MOXD1: variants seen among roughly 807,000 people sequenced by gnomAD.
The protein encoded by MOXD1 is monooxygenase DBH like 1, also known as DBH-like monooxygenase protein 1.
In MOXD1, 62 loss-of-function variants were observed where a neutral mutation model predicts 66.6. The observed-to-expected ratio is 0.93, with a 90% CI of 0.76 to 1.15. The LOEUF (loss-of-function observed/expected upper bound fraction) is 1.15. Among genes scored for constraint, MOXD1 ranks in the 50% most tolerant of loss-of-function variants. The pLI is 0.00. For missense variants in MOXD1, 847 were observed against 754.6 expected, an observed-to-expected ratio of 1.12 and a Z score of -1.44; for synonymous variants, 303 against 281.9, an observed-to-expected ratio of 1.07 and a Z score of -0.75.
chr6:132,303,016 A>G (rs1446019411), intron 10 of MOXD1, among the ~76,000 whole-genome samples: 1 of 152,158 alleles, frequency 6.6e-6, no homozygotes, highest in Non-Finnish European at 1.5e-5. Context: ...CGTTGGATTT[A>G]CCTTACACTA....
intron 1 of MOXD1, among the ~76,000 whole-genome samples, chr6:132,393,888 C>A (rs774636204): frequency 5.9e-5 from 9 of 152,234 alleles, no homozygotes; most frequent in Non-Finnish European, 1.0e-4. Context: ...ATCTGCAGGA[C>A]TGAGGACCAG....
intron 4 of MOXD1, among the ~76,000 whole-genome samples, chr6:132,365,840 T>A (rs1485729980): frequency 6.6e-6 from 1 of 152,138 alleles, no homozygotes; most frequent in Admixed American, 6.6e-5. Flanking sequence ...AGGGGAAGTG[T>A]TCCTACCAAC....
chr6:132,375,935 G>C lies in MOXD1; in HGVS notation c.265-1158C>G, dbSNP rs1475544169. ...GAAAAATAAACAAATGAGATGGTTT[G>C]GGCGGGGTCATAACTGCCTACATGG... On this transcript the variant is annotated intron_variant, in intron 1 of 11. Coordinates refer to ENST00000367963, the MANE Select transcript of MOXD1 (RefSeq NM_015529.4). Among the ~76,000 whole-genome samples, 3 of 152,190 alleles carry C rather than the reference G, an allele frequency of 2.0e-5. No homozygotes were observed. In the East Asian group the frequency reaches 5.8e-4, roughly 29 times the overall value.
At chr6:132,323,097 A>G (rs1182661988) in intron 7 of MOXD1, among the ~76,000 whole-genome samples, 1 of 152,226 alleles carries the variant, frequency 6.6e-6, no homozygotes, top group Non-Finnish European at 1.5e-5. Flanking sequence ...GGCCTCCCAG[A>G]CCATTTCTAC....
chr6:132,379,384 AC>A (rs1333461914), intron 1 of MOXD1, among the ~76,000 whole-genome samples: 2 of 152,162 alleles, frequency 1.3e-5, no homozygotes, highest in Non-Finnish European at 2.9e-5. Context: ...CCTATAAAAA[AC>A]CTACAGCTAA....
chr6:132,328,348 G>A (rs563471641), intron 5 of MOXD1, 67 bp downstream of exon 5: 202 of 1,564,712 alleles, frequency 1.3e-4, no homozygotes, highest in Admixed American at 3.0e-4. Context: ...GTATTAATTA[G>A]AATCATATTT....
At chr6:132,322,350 T>C (rs1775093580) in intron 8 of MOXD1, among the ~76,000 whole-genome samples, 1 of 152,196 alleles carries the variant, frequency 6.6e-6, no homozygotes, top group Non-Finnish European at 1.5e-5. Context: ...ACTGCAGGAA[T>C]TGCAACCCAA....
In MOXD1 at chr6:132,372,638, A is replaced by C. The variant is rs2114661747; in HGVS notation, c.633T>G (p.Pro211=). The change falls in exon 4 of 12, where the codon CCT becomes CCG. Residue 211 remains proline (P), a synonymous_variant. Transcript: ENST00000367963. Reference sequence around the variant, plus strand: ...TTACATGATGCTTTTCTTGGAACACAGGAATCTTAAACATTTGGCACCAAT... The same window carrying C: ...TTACATGATGCTTTTCTTGGAACACCGGAATCTTAAACATTTGGCACCAAT... ...TTYWCQMFKI[P]VFQEKHHVIK... is the part of the protein sequence containing the mutation. The C allele has an allele frequency of 6.2e-7, 1 of 1,613,952 alleles. No homozygotes were observed. The highest frequency in any genetic ancestry group is 1.3e-5 in the African/African-American group (1 of 75,060).
At chr6:132,399,935 A>G (rs1776983815) in intron 1 of MOXD1, among the ~76,000 whole-genome samples, 1 of 152,342 alleles carries the variant, frequency 6.6e-6, no homozygotes, top group Admixed American at 6.5e-5. Flanking sequence ...TTTATACATC[A>G]GTGACTTCAG....
chr6:132,297,278 G>A lies in MOXD1; in HGVS notation c.1717C>T (p.Pro573Ser). The change falls in exon 12 of 12, where the codon CCC (proline) becomes TCC (serine). Residue 573 changes from proline (P) to serine (S), a missense_variant. Physicochemically the swap from Pro to Ser is moderately conservative, Grantham distance 74. Transcript: ENST00000367963. The part of the protein sequence containing the change: ...MTALPPDIER[P>S]YKAEPLVCGT... Reference sequence around the variant, plus strand: ...CACACCAAAGGTTCTGCTTTATAGGGTCTTTCTATATCTGGAGGTAATGCT... The same window carrying A: ...CACACCAAAGGTTCTGCTTTATAGGATCTTTCTATATCTGGAGGTAATGCT... The A allele has an allele frequency of 1.2e-6, 2 of 1,613,430 alleles. No homozygotes were observed. The highest frequency in any genetic ancestry group is 1.7e-6 in the Non-Finnish European group (2 of 1,179,560).
At chr6:132,320,711 T>C in intron 8 of MOXD1, 23 bp from the exon 9 acceptor site, 1 of 1,596,590 alleles carries the variant, frequency 6.3e-7, no homozygotes, top group Non-Finnish European at 8.5e-7. Context: ...AGCAAAAGCT[T>C]TCAGATTGAA....
chr6:132,322,851 G>A lies in MOXD1; in HGVS notation c.1133C>T (p.Pro378Leu). 6.2e-7 allele frequency: 1 copy of A among 1,613,144 alleles called. No individual in the cohort carries two copies. The highest frequency in any genetic ancestry group is 8.5e-7 in the Non-Finnish European group (1 of 1,179,606). The change falls in exon 8 of 12, where the codon CCA (proline) becomes CTA (leucine). Residue 378 changes from proline (P) to leucine (L), a missense_variant. By Grantham distance (98) the Pro-to-Leu change is moderately conservative (BLOSUM62 -3). Transcript: ENST00000367963. ...AACAGCAAACACATGAATTCCACTTGGCTTTTCGGCTTCCAGAGCCTACAG... is the reference window on the plus strand; with the variant it reads ...AACAGCAAACACATGAATTCCACTTAGCTTTTCGGCTTCCAGAGCCTACAG... ...CLEEALEAEKPSGIHVFAVLL... is the reference protein window; with the variant it reads ...CLEEALEAEKLSGIHVFAVLL...
At chr6:132,303,845 A>G (rs1358862482) in intron 10 of MOXD1, among the ~76,000 whole-genome samples, 2,361 of 50,176 alleles carry the variant, frequency 0.047, 39 homozygotes, top group East Asian at 0.19. Context: ...GTATATATAT[A>G]TATATATATA....
chr6:132,324,105 A>G lies in MOXD1; in HGVS notation c.947-8T>C. ...CAGAATTATCTATTAAGCCTAGAAC[A>G]AAAGCACATAATTAAAGTGATTTTT... On this transcript the variant is annotated splice_region_variant and splice_polypyrimidine_tract_variant and intron_variant, in intron 6 of 11. Coordinates refer to ENST00000367963, the MANE Select transcript of MOXD1 (RefSeq NM_015529.4). 1.2e-6 allele frequency: 2 copies of G among 1,606,706 alleles called. No homozygotes were observed. Among genetic ancestry groups the G allele is most frequent in the African/African-American group, 1.3e-5 (1 of 74,738 alleles).
chr6:132,382,650 T>C (rs545659647), intron 1 of MOXD1, among the ~76,000 whole-genome samples: 20 of 152,192 alleles, frequency 1.3e-4, no homozygotes, highest in Non-Finnish European at 2.1e-4. Flanking sequence ...AAACATGTTG[T>C]CACAAGATAT....
intron 10 of MOXD1, among the ~76,000 whole-genome samples, chr6:132,299,058 G>A (rs1774472498): frequency 6.6e-6 from 1 of 152,136 alleles, no homozygotes; most frequent in South Asian, 2.1e-4. Flanking sequence ...TAAAGAAAAT[G>A]TGGTACATAT....
chr6:132,338,328 C>T (rs1006682172), intron 4 of MOXD1, among the ~76,000 whole-genome samples: 5 of 152,330 alleles, frequency 3.3e-5, no homozygotes, highest in African/African-American at 1.2e-4. Context: ...CTTTTCAGTG[C>T]ACCTACCACC....
intron 4 of MOXD1, among the ~76,000 whole-genome samples, chr6:132,351,124 C>T (rs553586554): frequency 3.3e-5 from 5 of 152,168 alleles, no homozygotes; most frequent in African/African-American, 9.6e-5. Context: ...GATTTGGATG[C>T]CCTTTATTTC....
chr6:132,392,343 G>C (rs375008921), intron 1 of MOXD1: 1 of 1,555,334 alleles, frequency 6.4e-7, no homozygotes, highest in South Asian at 1.2e-5. Context: ...ATTCACCAGC[G>C]ATTTATACCC....
Sources: allele counts gnomAD v4.1 joint callset (sites outside exome capture counted in the v4.1 genomes callset), GRCh38; gene constraint gnomAD v4.1.1; transcripts MANE v1.5; gene names NCBI Gene and HGNC (gene_info 2026-07-23, HGNC 2026-07-21).